The following FRMD1 variants were observed in gnomAD, a reference collection of about 807,000 sequenced individuals.
FRMD1 encodes the protein FERM domain-containing protein 1.
FRMD1 carries 51 observed loss-of-function variants against 54.9 expected under a neutral mutation model. That is an observed-to-expected ratio of 0.93 (90% CI 0.74 to 1.17). The LOEUF (loss-of-function observed/expected upper bound fraction) is 1.17, where lower values mean the gene tolerates loss of function less well. Ranked by LOEUF, FRMD1 falls within the 50% of genes most tolerant of loss-of-function variation. FRMD1 has a pLI of 0.00. For missense variants in FRMD1, 729 were observed against 743.0 expected, an observed-to-expected ratio of 0.98 and a Z score of 0.22; for synonymous variants, 324 against 306.4, an observed-to-expected ratio of 1.06 and a Z score of -0.60.
intron 1 of FRMD1, among the ~76,000 whole-genome samples, chr6:168,088,813 T>C (rs981978027): frequency 5.5e-5 from 3 of 54,542 alleles, no homozygotes; most frequent in African/African-American, 1.4e-4. Flanking sequence ...AAATGTTAAC[T>C]CTCATAAACA....
At chr6:168,075,747 T>C (rs2115011757) in intron 1 of FRMD1, 2 of 1,549,212 alleles carry the variant, frequency 1.3e-6, no homozygotes, top group Non-Finnish European at 1.7e-6. Context: ...ACATCATCCA[T>C]CGCCCAACTG....
upstream of FRMD1, chr6:168,081,480 C>T: frequency 6.5e-7 from 1 of 1,535,558 alleles, no homozygotes; most frequent in South Asian, 1.2e-5. Context: ...CTCCTCATGG[C>T]TGAGCCCTGG....
At chr6:168,068,686 T>A (rs1031292958) in intron 2 of FRMD1, among the ~76,000 whole-genome samples, 1 of 152,344 alleles carries the variant, frequency 6.6e-6, no homozygotes. Context: ...TCTACTCTTA[T>A]TTATATTAGA....
chr6:168,075,995 C>G, intron 1 of FRMD1: 5 of 967,926 alleles, frequency 5.2e-6, no homozygotes, highest in South Asian at 1.6e-5. Flanking sequence ...GCATGTGACA[C>G]TACTTCACGC....
chr6:168,085,900 G>A (rs1224048403), upstream of FRMD1, among the ~76,000 whole-genome samples: 4 of 152,332 alleles, frequency 2.6e-5, no homozygotes, highest in East Asian at 5.8e-4. Flanking sequence ...TCGGCACACC[G>A]CAGAGCTGCA....
intron 10 of FRMD1, chr6:168,057,700 CCTCCTATTTT>C (rs1799485767): frequency 4.1e-6 from 1 of 244,930 alleles, no homozygotes; most frequent in Non-Finnish European, 7.9e-6. Flanking sequence ...TCAAGAACGG[CCTCCTATTTT>C]ATACGGGAGG....
chr6:168,065,142 C>T (rs1341556469), intron 4 of FRMD1, 85 bp from the exon 5 acceptor site: 6 of 1,494,540 alleles, frequency 4.0e-6, no homozygotes, highest in Non-Finnish European at 5.3e-6. Context: ...CTCCCCACAC[C>T]AGCTCCCAGG....
chr6:168,089,960 G>T (rs1260468314), intron 1 of FRMD1, among the ~76,000 whole-genome samples: 1 of 152,184 alleles, frequency 6.6e-6, no homozygotes, highest in Non-Finnish European at 1.5e-5. Context: ...AGGAAAAGCA[G>T]CTGCTCAGCA....
chr6:168,062,546 C>T (rs1166001021), intron 7 of FRMD1: 3 of 999,710 alleles, frequency 3.0e-6, no homozygotes, highest in East Asian at 5.3e-5. Context: ...GGCCCTGATG[C>T]CCCCGAGAGG....
chr6:168,088,418 C>T (rs558484369), intron 1 of FRMD1, among the ~76,000 whole-genome samples: 61 of 152,312 alleles, frequency 4.0e-4, no homozygotes, highest in African/African-American at 1.3e-3. Context: ...GCTACTGCTG[C>T]CTCAGCTCTG....
intron 3 of FRMD1, chr6:168,067,041 T>C (rs1162646426): frequency 1.3e-6 from 1 of 761,052 alleles, no homozygotes; most frequent in African/African-American, 1.7e-5. Context: ...CAAGAACATC[T>C]GCAAAGGCGG....
upstream of FRMD1, among the ~76,000 whole-genome samples, chr6:168,085,745 T>C (rs7764850): frequency 0.89 from 118,851 of 134,234 alleles, 52,689 homozygotes; most frequent in South Asian, 0.91. Flanking sequence ...CGCCCAGCCA[T>C]AGCATCCAAA....
intron 1 of FRMD1, among the ~76,000 whole-genome samples, chr6:168,089,276 A>G (rs2115032869): frequency 6.6e-6 from 1 of 152,322 alleles, no homozygotes; most frequent in East Asian, 1.9e-4. Context: ...GAAGGGACCC[A>G]GGGTGTGTCA....
chr6:168,065,779 C>G (rs1799996342), intron 4 of FRMD1: 1 of 996,202 alleles, frequency 1.0e-6, no homozygotes, highest in African/African-American at 1.7e-5. Flanking sequence ...CCCCTCACCC[C>G]CTAGAACCTT....
intron 1 of FRMD1, among the ~76,000 whole-genome samples, chr6:168,088,112 G>A (rs1250263519): frequency 2.0e-5 from 3 of 152,176 alleles, no homozygotes; most frequent in African/African-American, 7.2e-5. Flanking sequence ...GGGTTAGGGC[G>A]CTCTTCGTTC....
rs1388139143 is a variant in FRMD1 at position 168,079,126 on chromosome 6, G to T, written c.-32C>A. 6.4e-7 allele frequency: 1 copy of T among 1,562,634 alleles called. No individual in the cohort carries two copies. Among genetic ancestry groups the T allele is most frequent in the East Asian group, 2.3e-5 (1 of 44,142 alleles). ...GTTACTCGGCCCTCCCCCGCCATGG[G>T]TCGCAGGTGGGTGCTCAGCACCTCC... is the stretch of plus-strand genomic sequence containing the variant. On this transcript the variant is annotated 5_prime_UTR_variant, in exon 1 of 11. Coordinates refer to ENST00000283309, the MANE Select transcript of FRMD1 (RefSeq NM_024919.6).
intron 1 of FRMD1, chr6:168,075,725 C>A (rs781584804): frequency 1.3e-6 from 2 of 1,533,178 alleles, no homozygotes; most frequent in Non-Finnish European, 1.8e-6. Context: ...TGAGCGCGAG[C>A]ATCGGTGTCT....
At chr6:168,091,020 G>C (rs1464672995) in intron 1 of FRMD1, among the ~76,000 whole-genome samples, 1 of 152,208 alleles carries the variant, frequency 6.6e-6, no homozygotes, top group African/African-American at 2.4e-5. Flanking sequence ...TCCGCTCTCT[G>C]CCCTGGGCTC....
intron 3 of FRMD1, 48 bp downstream of exon 3, chr6:168,067,319 C>G (rs370882006): frequency 2.5e-5 from 32 of 1,271,338 alleles, no homozygotes; most frequent in Non-Finnish European, 2.9e-5. Flanking sequence ...TGGCCCAGCA[C>G]AGCCCACCGC....
Sources: allele counts gnomAD v4.1 joint callset (sites outside exome capture counted in the v4.1 genomes callset), GRCh38; gene constraint gnomAD v4.1.1; transcripts MANE v1.5; gene names NCBI Gene and HGNC (gene_info 2026-07-23, HGNC 2026-07-21).